Variants in POU2F1 observed in about 807,000 individuals in gnomAD.
POU2F1 encodes POU domain, class 2, transcription factor 1.
In POU2F1, 16 loss-of-function variants were observed where a neutral mutation model predicts 84.9. The ratio of observed to expected loss-of-function variants is 0.19; its 90% CI spans 0.13 to 0.29. The LOEUF (loss-of-function observed/expected upper bound fraction) is 0.29. POU2F1 is among the 10% of genes least tolerant of loss of function. POU2F1 has a pLI of 1.00. For synonymous variants in POU2F1, 368 were observed against 368.3 expected (o/e 1.00, Z 0.01); for missense variants, 738 against 942.6 (o/e 0.78, Z 2.84).
intron 2 of POU2F1, among the ~76,000 whole-genome samples, chr1:167,351,206 T>C (rs1387867554): frequency 2.0e-5 from 3 of 151,718 alleles, no homozygotes; most frequent in Non-Finnish European, 4.4e-5. Flanking sequence ...TACAAAAAAT[T>C]AGCTGGGTGT....
intron 2 of POU2F1, among the ~76,000 whole-genome samples, chr1:167,363,266 AGT>A (rs1465458395): frequency 1.1e-4 from 16 of 149,950 alleles, no homozygotes; most frequent in African/African-American, 3.9e-4. Context: ...TCCTATTAGT[AGT>A]GTGTTAATCT....
chr1:167,241,096 C>T (rs750433922), intron 1 of POU2F1, among the ~76,000 whole-genome samples: 24 of 152,132 alleles, frequency 1.6e-4, no homozygotes, highest in Non-Finnish European at 2.4e-4. Flanking sequence ...GAGCCAAGAT[C>T]GCACCATTGC....
chr1:167,373,562 A>G (rs1014278011), intron 5 of POU2F1, among the ~76,000 whole-genome samples: 4 of 152,210 alleles, frequency 2.6e-5, no homozygotes, highest in African/African-American at 4.8e-5. Context: ...AGTGCTTTCA[A>G]TAACAGAAAA....
intron 1 of POU2F1, among the ~76,000 whole-genome samples, chr1:167,320,175 A>G (rs1308184882): frequency 6.6e-6 from 1 of 152,204 alleles, no homozygotes; most frequent in Admixed American, 6.5e-5. Context: ...ATTTTCAACT[A>G]ACTGTGTAGA....
At chr1:167,366,816 G>A (rs1326717345) in intron 3 of POU2F1, among the ~76,000 whole-genome samples, 1 of 151,970 alleles carries the variant, frequency 6.6e-6, no homozygotes, top group Non-Finnish European at 1.5e-5. Flanking sequence ...CAAGCCTCCA[G>A]TAATTTTTCT....
At chr1:167,250,034 C>A (rs972849253) in intron 1 of POU2F1, among the ~76,000 whole-genome samples, 2 of 151,750 alleles carry the variant, frequency 1.3e-5, no homozygotes, top group African/African-American at 4.8e-5. Context: ...AATGCAAAAT[C>A]TTCATTGAAA....
At chr1:167,351,786 C>T (rs1658601922) in intron 2 of POU2F1, among the ~76,000 whole-genome samples, 1 of 152,058 alleles carries the variant, frequency 6.6e-6, no homozygotes, top group Non-Finnish European at 1.5e-5. Context: ...TTGAGGGTTT[C>T]ACCTTAGCTT....
chr1:167,411,441 A>G (rs1649960922), intron 13 of POU2F1, among the ~76,000 whole-genome samples: 1 of 151,934 alleles, frequency 6.6e-6, no homozygotes, highest in South Asian at 2.1e-4. Context: ...TTTGAGAGCT[A>G]ATTTTTATTA....
rs1490899875 is a variant in POU2F1 at position 167,332,461 on chromosome 1, T to A, written c.62-9T>A. ...TTTAAAAACCTTATTCTCCTCTGAT[T>A]TATTGCAGACTCAAGAATGAACAAT... On this transcript the variant is annotated splice_polypyrimidine_tract_variant and intron_variant, in intron 1 of 15. Transcript: ENST00000367866. 2 of 1,604,274 alleles carry A rather than the reference T, an allele frequency of 1.2e-6. No individual in the cohort carries two copies. The highest frequency in any genetic ancestry group is 1.1e-5 in the South Asian group (1 of 90,838).
chr1:167,237,770 ATATTTTTTTTTTTTT>A (rs1649604990), intron 1 of POU2F1, among the ~76,000 whole-genome samples: 2 of 12,668 alleles, frequency 1.6e-4, no homozygotes, highest in African/African-American at 2.7e-4. Context: ...ATATATATAT[ATATTTTTTTTTTTTT>A]TTTTTTTTTT....
rs1378674052 is a variant in POU2F1, at chr1:167,420,908, AGTTT to A, written c.*5103_*5106del. 2 of 152,198 alleles carry A rather than the reference AGTTT, an allele frequency of 1.3e-5. No individual in the cohort carries two copies. The highest frequency in any genetic ancestry group is 4.8e-5 in the African/African-American group (2 of 41,456). 9.4% of individuals were successfully genotyped at this position (152,198 alleles called of 1,614,324 possible). A position where few individuals can be genotyped will look rare whatever the true frequency, so the allele number is the denominator to read the frequency against. On this transcript the variant is annotated 3_prime_UTR_variant, in exon 16 of 16. Coordinates refer to ENST00000367866, the MANE Select transcript of POU2F1 (RefSeq NM_002697.4). ...CAGCACCTAAACTTGATGAACTTAA[AGTTT>A]GTTTATTAGAGTTGAAAACATTAAA...
At chr1:167,294,172 CAAAAAA>C (rs60846607) in intron 1 of POU2F1, among the ~76,000 whole-genome samples, 662 of 30,944 alleles carry the variant, frequency 0.021, 5 homozygotes, top group African/African-American at 0.035. Flanking sequence ...TACTAAAATA[CAAAAAA>C]AAAAAAAAAA....
chr1:167,282,484 C>A (rs564473171), intron 1 of POU2F1, among the ~76,000 whole-genome samples: 2 of 152,328 alleles, frequency 1.3e-5, no homozygotes, highest in Admixed American at 1.3e-4. Context: ...TTGCTTAAAA[C>A]TCCTAAAACC....
intron 1 of POU2F1, among the ~76,000 whole-genome samples, chr1:167,326,301 C>T (rs541963080): frequency 2.2e-4 from 34 of 152,268 alleles, no homozygotes; most frequent in African/African-American, 6.7e-4. Flanking sequence ...CTTTGTACAA[C>T]GGGTGTTCTT....
chr1:167,322,277 A>G (rs994433281), intron 1 of POU2F1, among the ~76,000 whole-genome samples: 4 of 152,202 alleles, frequency 2.6e-5, no homozygotes, highest in Non-Finnish European at 5.9e-5. Flanking sequence ...ATCAGGAGCT[A>G]TGCTATATGC....
intron 1 of POU2F1, among the ~76,000 whole-genome samples, chr1:167,237,762 ATATATATATATTTTTTTTTTTT>A (rs1414286906): frequency 5.0e-5 from 1 of 20,000 alleles, no homozygotes; most frequent in African/African-American, 1.2e-4. Flanking sequence ...ATATATATAT[ATATATATATATTTTTTTTTTTT>A]TTTTTTTTTT....
At position 167,335,085 on chromosome 1, in the gene POU2F1, T is replaced by G. The variant is rs1003158897; in HGVS notation, c.127+2550T>G. On this transcript the variant is annotated intron_variant, in intron 2 of 15. Transcript: ENST00000367866. ...GAGAGGCAAAATCAAATGATGCACT[T>G]TTTGTCAAATAGTCCTTTTATGTTT... Among the ~76,000 whole-genome samples the G allele has an allele frequency of 2.6e-4, 39 of 152,212 alleles. 1 individual carries two copies. The highest frequency in any genetic ancestry group is 2.9e-5 in the Non-Finnish European group (2 of 68,028).
rs1003507350 is a variant in POU2F1 at position 167,273,415 on chromosome 1, G to A, written c.61+52457G>A. Among the ~76,000 whole-genome samples, 12 of 152,196 alleles carry A rather than the reference G, an allele frequency of 7.9e-5. No individual in the cohort carries two copies. In the East Asian group the frequency reaches 2.1e-3, roughly 27 times the overall value. ...CCCCACTCCCCTCTACACTGCCCTC[G>A]TAGAGGTTTTGCATGAGGCCTCTGC... On this transcript the variant is annotated intron_variant, in intron 1 of 15. Transcript: ENST00000367866.
chr1:167,228,282 T>C (rs1648789751), intron 1 of POU2F1, among the ~76,000 whole-genome samples: 1 of 152,174 alleles, frequency 6.6e-6, no homozygotes, highest in Non-Finnish European at 1.5e-5. Flanking sequence ...AGGAGTAATG[T>C]GGTGTGCAGG....
Sources: gnomAD v4.1 joint callset for allele counts (sites outside exome capture counted in the v4.1 genomes callset) on GRCh38, gnomAD v4.1.1 for gene constraint, MANE v1.5 for transcripts, NCBI Gene and HGNC (gene_info 2026-07-23, HGNC 2026-07-21) for gene names.